Variants in EDNRA observed in about 807,000 individuals in gnomAD.
EDNRA encodes the protein endothelin-1 receptor.
Under a neutral mutation model 41.4 loss-of-function variants are expected in EDNRA, and 11 were observed. The observed-to-expected ratio is 0.27, with a 90% CI of 0.17 to 0.44. EDNRA has a LOEUF of 0.44. Among genes scored for constraint, EDNRA ranks in the 20% least tolerant of loss-of-function variants. The probability of loss-of-function intolerance (pLI) is 1.00; values close to 1 mark genes in which losing one functional copy is unlikely to be tolerated. For synonymous variants in EDNRA, 172 were observed against 183.0 expected (o/e 0.94, Z 0.49); for missense variants, 294 against 531.0 (o/e 0.55, Z 4.39).
At chr4:147,481,564 G>A (rs550987893) in intron 1 of EDNRA, among the ~76,000 whole-genome samples, 188 bp downstream of exon 1, 1 of 152,354 alleles carries the variant, frequency 6.6e-6, no homozygotes, top group Non-Finnish European at 1.5e-5. Flanking sequence ...GCGGGGAGGC[G>A]GGCGCCTTCC....
intron 2 of EDNRA, among the ~76,000 whole-genome samples, chr4:147,487,420 T>G (rs937132492): frequency 2.6e-5 from 4 of 152,236 alleles, no homozygotes; most frequent in Admixed American, 2.6e-4. Flanking sequence ...CCAGATTTTA[T>G]GAAATGTGTT....
intron 2 of EDNRA, among the ~76,000 whole-genome samples, chr4:147,496,784 T>C (rs971280058): frequency 5.9e-5 from 9 of 152,248 alleles, no homozygotes; most frequent in Non-Finnish European, 8.8e-5. Flanking sequence ...ATTCTCATTA[T>C]TGTATAGCAC....
intron 4 of EDNRA, among the ~76,000 whole-genome samples, chr4:147,533,120 A>T (rs1288145489): frequency 1.3e-5 from 2 of 152,098 alleles, no homozygotes; most frequent in Non-Finnish European, 2.9e-5. Context: ...ATCTTATGTC[A>T]CTTGGGGAGA....
rs1345514499 is a variant in EDNRA at position 147,540,554 on chromosome 4, C to A, written c.1143+69C>A. 6 of 1,046,214 alleles carry A rather than the reference C, an allele frequency of 5.7e-6. No individual in the cohort carries two copies. In the South Asian group the frequency reaches 7.8e-5, roughly 14 times the overall value. 64.8% of individuals were successfully genotyped at this position (1,046,214 alleles called of 1,614,324 possible). ...TATATTAAACAGTCAACAGACACAGCCAATTCCAGTTGTAATATTACTTTG... is the reference window on the plus strand; with the variant it reads ...TATATTAAACAGTCAACAGACACAGACAATTCCAGTTGTAATATTACTTTG... On this transcript the variant is annotated intron_variant, in intron 7 of 7. Transcript: ENST00000651419.
chr4:147,533,978 T>G (rs1294368195), intron 4 of EDNRA, among the ~76,000 whole-genome samples: 1 of 152,202 alleles, frequency 6.6e-6, no homozygotes, highest in African/African-American at 2.4e-5. Context: ...CTGTTCTCTT[T>G]TTCTAAATTT....
At chr4:147,539,672 A>C in intron 5 of EDNRA, 145 bp from the exon 6 acceptor site, 1 of 860,432 alleles carries the variant, frequency 1.2e-6, no homozygotes, top group Non-Finnish European at 1.8e-6. Flanking sequence ...TTGAAGAGGT[A>C]GAGGCAGTGT....
chr4:147,542,250 G>A (rs544894044), intron 7 of EDNRA, among the ~76,000 whole-genome samples: 1 of 152,224 alleles, frequency 6.6e-6, no homozygotes, highest in South Asian at 2.1e-4. Context: ...TCTTGCACTT[G>A]GTAATAAAAT....
chr4:147,524,858 C>T (rs1379513814), intron 3 of EDNRA, among the ~76,000 whole-genome samples: 4 of 151,770 alleles, frequency 2.6e-5, no homozygotes, highest in Admixed American at 2.6e-4. Context: ...ATTCCATTTG[C>T]TTTAACTCTT....
At chr4:147,499,169 C>T (rs1039649590) in intron 2 of EDNRA, among the ~76,000 whole-genome samples, 2 of 152,198 alleles carry the variant, frequency 1.3e-5, no homozygotes, top group African/African-American at 2.4e-5. Flanking sequence ...AATCCTCCCA[C>T]CTAAGCCTCC....
chr4:147,485,279 T>C (rs1413840403), intron 1 of EDNRA, among the ~76,000 whole-genome samples: 1 of 151,168 alleles, frequency 6.6e-6, no homozygotes, highest in East Asian at 1.9e-4. Context: ...GCTAGAGAGA[T>C]AGGGAGATGG....
At chr4:147,490,127 T>C (rs1729085878) in intron 2 of EDNRA, 1 of 148,460 alleles carries the variant, frequency 6.7e-6, no homozygotes, top group Non-Finnish European at 1.5e-5. Context: ...GAAGTTCCTA[T>C]AGCCCTTGCT....
chr4:147,521,197 A>G (rs970808476), intron 3 of EDNRA, among the ~76,000 whole-genome samples: 4 of 152,228 alleles, frequency 2.6e-5, no homozygotes, highest in African/African-American at 9.7e-5. Context: ...ATAAATAAAT[A>G]AATAAATGGC....
chr4:147,500,988 C>T (rs1040769493), intron 2 of EDNRA, among the ~76,000 whole-genome samples: 1 of 152,078 alleles, frequency 6.6e-6, no homozygotes, highest in Non-Finnish European at 1.5e-5. Flanking sequence ...TCCAAACAGG[C>T]TGGTGTAAGA....
chr4:147,497,474 G>C (rs749920110), intron 2 of EDNRA, among the ~76,000 whole-genome samples: 14 of 152,076 alleles, frequency 9.2e-5, no homozygotes, highest in Non-Finnish European at 1.8e-4. Context: ...ATCTAGGCTA[G>C]CCGTGCCTTC....
intron 2 of EDNRA, chr4:147,491,543 T>C (rs1729136718): frequency 6.6e-6 from 1 of 152,160 alleles, no homozygotes; most frequent in Non-Finnish European, 1.5e-5. Context: ...TAATCTGAGA[T>C]ATTCAAATTA....
intron 4 of EDNRA, 37 bp from the exon 5 acceptor site, chr4:147,535,840 C>A (rs766532092): frequency 6.3e-7 from 1 of 1,595,630 alleles, no homozygotes; most frequent in Non-Finnish European, 8.5e-7. Context: ...CATGACTCTG[C>A]TCCTCCTTTT....
intron 2 of EDNRA, among the ~76,000 whole-genome samples, chr4:147,498,694 C>G (rs1352507780): frequency 6.6e-6 from 1 of 152,174 alleles, no homozygotes; most frequent in African/African-American, 2.4e-5. Flanking sequence ...ATCCCTGGCT[C>G]TCATCTACCT....
intron 2 of EDNRA, among the ~76,000 whole-genome samples, chr4:147,515,882 C>T (rs1730097694): frequency 1.3e-5 from 2 of 152,142 alleles, no homozygotes; most frequent in Admixed American, 6.6e-5. Context: ...AAGTTCTTCC[C>T]TAAATCTGTT....
chr4:147,514,469 T>TCTTTTC (rs1230242324), intron 2 of EDNRA, among the ~76,000 whole-genome samples: 1 of 152,096 alleles, frequency 6.6e-6, no homozygotes, highest in Admixed American at 6.5e-5. Context: ...TTTTTCTTTT[T>TCTTTTC]CTTTTTCTTT....
Sources: gnomAD v4.1 joint callset for allele counts (sites outside exome capture counted in the v4.1 genomes callset) on GRCh38, gnomAD v4.1.1 for gene constraint, MANE v1.5 for transcripts, NCBI Gene and HGNC (gene_info 2026-07-23, HGNC 2026-07-21) for gene names.